PLA2G4A: variants seen among roughly 807,000 people sequenced by gnomAD.
The protein encoded by PLA2G4A is phospholipase A2 group IVA.
PLA2G4A carries 40 observed loss-of-function variants against 81.9 expected under a neutral mutation model. That is an observed-to-expected ratio of 0.49 (90% confidence interval 0.38 to 0.64). The LOEUF (loss-of-function observed/expected upper bound fraction) is 0.64, where lower values mean the gene tolerates loss of function less well. Among genes scored for constraint, PLA2G4A ranks in the 30% least tolerant of loss-of-function variants. The probability of loss-of-function intolerance (pLI) is 0.00; values close to 1 mark genes in which losing one functional copy is unlikely to be tolerated. For missense variants in PLA2G4A, 715 were observed against 905.1 expected, an observed-to-expected ratio of 0.79 and a Z score of 2.69; for synonymous variants, 302 against 296.9, an observed-to-expected ratio of 1.02 and a Z score of -0.18.
chr1:186,868,572 G>A (rs1003362836), intron 2 of PLA2G4A, among the ~76,000 whole-genome samples: 1 of 152,148 alleles, frequency 6.6e-6, no homozygotes, highest in Non-Finnish European at 1.5e-5. Context: ...TTATCTTCTG[G>A]AAAGATTGTA....
At chr1:186,863,195 AG>A (rs1652879465) in intron 2 of PLA2G4A, among the ~76,000 whole-genome samples, 1 of 152,288 alleles carries the variant, frequency 6.6e-6, no homozygotes, top group Non-Finnish European at 1.5e-5. Flanking sequence ...TGAGCCTCTC[AG>A]GTAGCTGTAA....
intron 15 of PLA2G4A, among the ~76,000 whole-genome samples, chr1:186,966,179 T>C (rs1443016192): frequency 6.7e-6 from 1 of 150,272 alleles, no homozygotes; most frequent in African/African-American, 2.5e-5. Flanking sequence ...GGAGATGGAC[T>C]GTATCTGTAA....
At chr1:186,877,201 C>T (rs12022898) in intron 3 of PLA2G4A, among the ~76,000 whole-genome samples, 2,556 of 152,100 alleles carry the variant, frequency 0.017, 92 homozygotes, top group South Asian at 0.14. Flanking sequence ...AGACTACTCG[C>T]GTGTCCTGTG....
chr1:186,857,229 T>C (rs4651332), intron 2 of PLA2G4A, among the ~76,000 whole-genome samples: 105,370 of 121,812 alleles, frequency 0.87, 44,496 homozygotes, highest in African/African-American at 0.9. Context: ...CCAGATCATC[T>C]GGCAAGACAC....
chr1:186,877,251 A>G (rs1653536430), intron 3 of PLA2G4A, among the ~76,000 whole-genome samples: 1 of 151,964 alleles, frequency 6.6e-6, no homozygotes, highest in South Asian at 2.1e-4. Flanking sequence ...GCCTTCCACT[A>G]TCTTGGGAGA....
chr1:186,848,167 A>G (rs1652253285), intron 1 of PLA2G4A, among the ~76,000 whole-genome samples: 1 of 152,178 alleles, frequency 6.6e-6, no homozygotes, highest in South Asian at 2.1e-4. Flanking sequence ...AGGGAACACA[A>G]GGAAGAAATC....
At chr1:186,834,943 C>T (rs535334476) in intron 1 of PLA2G4A, among the ~76,000 whole-genome samples, 6 of 152,034 alleles carry the variant, frequency 3.9e-5, no homozygotes, top group Non-Finnish European at 8.8e-5. Flanking sequence ...ATTATTTTAC[C>T]TTTCCAAATA....
At chr1:186,953,976 A>G (rs1212317884) in intron 13 of PLA2G4A, among the ~76,000 whole-genome samples, 1 of 152,224 alleles carries the variant, frequency 6.6e-6, no homozygotes, top group Non-Finnish European at 1.5e-5. Context: ...CCTGTTTGGC[A>G]TTAGAAAAGT....
chr1:186,843,717 T>C (rs1051100030), intron 1 of PLA2G4A, among the ~76,000 whole-genome samples: 1 of 152,174 alleles, frequency 6.6e-6, no homozygotes, highest in African/African-American at 2.4e-5. Context: ...AAAGCACCAG[T>C]TGAGAGCCTG....
chr1:186,984,955 C>T (rs1657846902), intron 17 of PLA2G4A, among the ~76,000 whole-genome samples: 2 of 152,098 alleles, frequency 1.3e-5, no homozygotes, highest in Non-Finnish European at 2.9e-5. Flanking sequence ...ATTACTTAGG[C>T]AGGTTACTGG....
intron 17 of PLA2G4A, among the ~76,000 whole-genome samples, chr1:186,983,788 T>A (rs938265328): frequency 6.6e-6 from 1 of 151,926 alleles, no homozygotes; most frequent in Admixed American, 6.6e-5. Context: ...GGCATTGGAG[T>A]CTGACCAAAT....
intron 3 of PLA2G4A, among the ~76,000 whole-genome samples, chr1:186,880,086 C>T (rs1278162400): frequency 6.6e-6 from 1 of 151,972 alleles, no homozygotes. Context: ...GGGGCTGGAA[C>T]TCAAACTTGC....
At chr1:186,970,348 C>T (rs912625829) in intron 15 of PLA2G4A, among the ~76,000 whole-genome samples, 2 of 151,990 alleles carry the variant, frequency 1.3e-5, no homozygotes, top group Non-Finnish European at 2.9e-5. Flanking sequence ...TTCTCCCATT[C>T]TGTGGTTCGT....
At chr1:186,863,758 A>G (rs1323523089) in intron 2 of PLA2G4A, among the ~76,000 whole-genome samples, 1 of 86,960 alleles carries the variant, frequency 1.1e-5, no homozygotes, top group Non-Finnish European at 2.3e-5. Flanking sequence ...GTGCAAATAT[A>G]TAATTTTTTT....
chr1:186,974,824 GAGGA>G (rs1165351151), intron 15 of PLA2G4A, among the ~76,000 whole-genome samples: 1 of 152,200 alleles, frequency 6.6e-6, no homozygotes, highest in Admixed American at 6.5e-5. Context: ...AGACATCAGA[GAGGA>G]AATGGTTTAT....
chr1:186,862,375 C>G (rs1430958500), intron 2 of PLA2G4A, among the ~76,000 whole-genome samples: 1 of 151,900 alleles, frequency 6.6e-6, no homozygotes, highest in Non-Finnish European at 1.5e-5. Flanking sequence ...CTACCACGCT[C>G]AGCTACTTTT....
chr1:186,858,789 G>C (rs931427355), intron 2 of PLA2G4A, among the ~76,000 whole-genome samples: 3 of 151,860 alleles, frequency 2.0e-5, no homozygotes, highest in African/African-American at 7.3e-5. Flanking sequence ...CCAACATCAG[G>C]CTTAGACAGC....
chr1:186,979,182 G>C, intron 16 of PLA2G4A, 133 bp from the exon 17 acceptor site: 4 of 710,246 alleles, frequency 5.6e-6, no homozygotes, highest in Non-Finnish European at 1.0e-5. Context: ...ATAAAAGTCA[G>C]AGATGCTACA....
chr1:186,885,165 C>T (rs981339535), intron 3 of PLA2G4A, among the ~76,000 whole-genome samples: 2 of 152,146 alleles, frequency 1.3e-5, no homozygotes, highest in African/African-American at 4.8e-5. Flanking sequence ...CAGCCAGCAC[C>T]TTCATCACGA....
Sources: gnomAD v4.1 joint callset for allele counts (sites outside exome capture counted in the v4.1 genomes callset) on GRCh38, gnomAD v4.1.1 for gene constraint, MANE v1.5 for transcripts, NCBI Gene and HGNC (gene_info 2026-07-23, HGNC 2026-07-21) for gene names.